The following DOCK6 variants were observed in gnomAD, a reference collection of about 807,000 sequenced individuals.
DOCK6 encodes the protein dedicator of cytokinesis protein 6.
In DOCK6, 167 loss-of-function variants were observed where a neutral mutation model predicts 230.3. The ratio of observed to expected loss-of-function variants is 0.73; its 90% CI spans 0.64 to 0.82. The LOEUF is 0.82. Among genes scored for constraint, DOCK6 ranks in the 40% least tolerant of loss-of-function variants. The probability of loss-of-function intolerance (pLI) is 0.00; values close to 1 mark genes in which losing one functional copy is unlikely to be tolerated. For missense variants in DOCK6, 2,598 were observed against 2,825.8 expected, an observed-to-expected ratio of 0.92 and a Z score of 1.83; for synonymous variants, 1,148 against 1,185.0, an observed-to-expected ratio of 0.97 and a Z score of 0.64.
At chr19:11,235,510 C>T in intron 21 of DOCK6, 88 bp downstream of exon 21, 1 of 1,369,108 alleles carries the variant, frequency 7.3e-7, no homozygotes, top group Non-Finnish European at 9.8e-7. Context: ...CTCGGCCTCC[C>T]AAAGTCCTGG....
At chr19:11,219,544 C>T (rs1247521693) in intron 28 of DOCK6, among the ~76,000 whole-genome samples, 1 of 151,734 alleles carries the variant, frequency 6.6e-6, no homozygotes, top group Non-Finnish European at 1.5e-5. Flanking sequence ...AATCCCAGCA[C>T]TTTGTGATGT....
intron 16 of DOCK6, 68 bp from the exon 17 acceptor site, chr19:11,237,847 C>T (rs2079876325): frequency 6.7e-7 from 1 of 1,500,054 alleles, no homozygotes; most frequent in African/African-American, 1.4e-5. Flanking sequence ...TCACCTCTGC[C>T]ATGCCACGCC....
chr19:11,257,983 T>C (rs1210272090), intron 1 of DOCK6, among the ~76,000 whole-genome samples: 2 of 152,116 alleles, frequency 1.3e-5, no homozygotes, highest in African/African-American at 2.4e-5. Flanking sequence ...CATCTGTGAT[T>C]ATTAAGCAAG....
chr19:11,206,247 C>T (rs1233394297), intron 39 of DOCK6: 1 of 152,132 alleles, frequency 6.6e-6, no homozygotes, highest in East Asian at 1.9e-4. Flanking sequence ...GAGAAGAAAA[C>T]CCCTTTTCCA....
At chr19:11,235,939 G>A (rs2079840352) in intron 20 of DOCK6, 180 bp from the exon 21 acceptor site, 1 of 797,538 alleles carries the variant, frequency 1.3e-6, no homozygotes, top group Non-Finnish European at 1.8e-6. Flanking sequence ...GGAGTCCAGT[G>A]GCATGATCTC....
chr19:11,250,215 TGGTCA>T (rs2080095877), intron 6 of DOCK6, among the ~76,000 whole-genome samples: 1 of 152,010 alleles, frequency 6.6e-6, no homozygotes, highest in Non-Finnish European at 1.5e-5. Flanking sequence ...TTCACCATGT[TGGTCA>T]GGCTGGTCTC....
intron 22 of DOCK6, among the ~76,000 whole-genome samples, chr19:11,232,658 G>GCACCCA (rs1224645126): frequency 3.3e-5 from 5 of 152,118 alleles, no homozygotes; most frequent in African/African-American, 7.2e-5. Flanking sequence ...ATACGCACCC[G>GCACCCA]TGTCTGTATA....
intron 28 of DOCK6, chr19:11,220,947 C>T (rs1015178250): frequency 2.6e-5 from 4 of 151,838 alleles, no homozygotes; most frequent in African/African-American, 9.7e-5. Flanking sequence ...GCCTCAGCCT[C>T]CCGAGTAGCT....
intron 22 of DOCK6, chr19:11,229,377 T>G (rs2147806091): frequency 9.0e-7 from 1 of 1,106,682 alleles, no homozygotes; most frequent in Non-Finnish European, 1.1e-6. Flanking sequence ...TCGGCTAGAG[T>G]TGCAGTCGAT....
At chr19:11,262,321 CG>C in intron 1 of DOCK6, 75 bp downstream of exon 1, 1 of 819,466 alleles carries the variant, frequency 1.2e-6, no homozygotes, top group Non-Finnish European at 1.5e-6. Flanking sequence ...GGCGCCCGGG[CG>C]GGGAGGGTCG....
intron 14 of DOCK6, chr19:11,238,651 G>A (rs1438469752): frequency 8.1e-6 from 2 of 248,412 alleles, no homozygotes; most frequent in Non-Finnish European, 1.6e-5. Context: ...GGTACCTCAG[G>A]TGGCCAGTGG....
intron 1 of DOCK6, 121 bp downstream of exon 1, chr19:11,262,276 G>T: frequency 1.6e-6 from 1 of 641,210 alleles, no homozygotes; most frequent in Non-Finnish European, 2.1e-6. Flanking sequence ...GAAGCTGGCG[G>T]GACCCGGGCC....
chr19:11,243,577 C>T lies in DOCK6; in HGVS notation c.1238G>A (p.Arg413Gln), dbSNP rs756030338. The change falls in exon 11 of 48, where the codon CGG (arginine) becomes CAG (glutamine). Residue 413 changes from arginine to glutamine, a missense_variant. Coordinates refer to ENST00000294618, the MANE Select transcript of DOCK6 (RefSeq NM_020812.4). This position sits in a 1 kb window ranked among gnomAD's most constrained non-coding sequence, Gnocchi z 6.3. ...CTCACCGCCCTCCGAGTCAGAGTCC[C>T]GGTCCAGCTGCCCAGCGCTGCTCAC... Reference protein sequence around the residue: ...NIVSSAGQLDRDSDSEGERRP... With the variant: ...NIVSSAGQLDQDSDSEGERRP... 12 of 1,606,986 alleles carry T rather than the reference C, an allele frequency of 7.5e-6. No homozygotes were observed. Among genetic ancestry groups the T allele is most frequent in the East Asian group, 2.2e-5 (1 of 44,514 alleles).
chr19:11,238,708 G>A (rs1465967396), intron 14 of DOCK6: 1 of 189,808 alleles, frequency 5.3e-6, no homozygotes, highest in African/African-American at 2.3e-5. Context: ...TCCCCCAGGA[G>A]GTCACTAGAG....
Position 11,227,530 on chromosome 19 carries a change from A to ACTTGAAGGGCTGTGGGTGGGG in DOCK6, c.2815-74_2815-54dup, listed in dbSNP as rs775493222. The ACTTGAAGGGCTGTGGGTGGGG allele has an allele frequency of 5.6e-3, 8,122 of 1,446,386 alleles. 458 individuals are homozygous for ACTTGAAGGGCTGTGGGTGGGG. Among genetic ancestry groups the ACTTGAAGGGCTGTGGGTGGGG allele is most frequent in the African/African-American group, 0.023 (1,391 of 61,360 alleles). The allele number at this position is 1,446,386 out of a possible 1,614,324, so 89.6% of individuals were successfully genotyped here. On this transcript the variant is annotated intron_variant, in intron 23 of 47. Transcript: ENST00000294618. ...TGGGATTTGAAGGGCTGTGGGTAGG[A>ACTTGAAGGGCTGTGGGTGGGG]CTTGAAGGGCTGTGGGTGGGGCTTG... is the stretch of plus-strand genomic sequence containing the variant.
intron 1 of DOCK6, among the ~76,000 whole-genome samples, chr19:11,260,579 C>CA (rs1008729980): frequency 1.5e-5 from 2 of 134,544 alleles, no homozygotes; most frequent in Non-Finnish European, 3.2e-5. Context: ...GACCCTGTCT[C>CA]AAAAAAAGAA....
In DOCK6 at chr19:11,212,011, G is replaced by T; in HGVS notation, c.4632C>A (p.Asp1544Glu). 1 of 1,606,784 alleles carries T rather than the reference G, an allele frequency of 6.2e-7. No homozygotes were observed. Among genetic ancestry groups the T allele is most frequent in the Non-Finnish European group, 8.5e-7 (1 of 1,177,012 alleles). ...TYAEEDMGLR[D>E]STFAEQVQDL... ...GTGTCACCTGCTCTGCGAAGGTGCT[G>T]TCCCGCAGCCCCATGTCCTCCTCAG... is the stretch of plus-strand genomic sequence containing the variant. The change falls in exon 36 of 48, where the codon GAC (aspartate) becomes GAA (glutamate). Residue 1544 changes from aspartate (D) to glutamate (E), a missense_variant. Coordinates refer to ENST00000294618, the MANE Select transcript of DOCK6 (RefSeq NM_020812.4).
intron 14 of DOCK6, 89 bp downstream of exon 14, chr19:11,241,954 CTG>C: frequency 6.9e-7 from 1 of 1,457,822 alleles, no homozygotes; most frequent in Non-Finnish European, 9.2e-7. Context: ...CCCAGGGTGT[CTG>C]TGTGTGTCCT....
chr19:11,205,412 G>A lies in DOCK6; in HGVS notation c.5089-1081C>T, dbSNP rs991336023. Among the ~76,000 whole-genome samples the A allele has an allele frequency of 5.3e-5, 8 of 151,502 alleles. No individual in the cohort carries two copies. The East Asian group carries it at 9.7e-4, about 18-fold the overall frequency. ...GGCTGCAGTCCAGTGGTATGATCTC[G>A]GCTCACTGCAACCTCTGCCTCCTGG... On this transcript the variant is annotated intron_variant, in intron 39 of 47. Coordinates refer to ENST00000294618, the MANE Select transcript of DOCK6 (RefSeq NM_020812.4).
Sources: allele counts gnomAD v4.1 joint callset (sites outside exome capture counted in the v4.1 genomes callset), GRCh38; gene constraint gnomAD v4.1.1; non-coding constraint Gnocchi (gnomAD v3.1); transcripts MANE v1.5; gene names NCBI Gene and HGNC (gene_info 2026-07-23, HGNC 2026-07-21).